IMPG1: variants seen among roughly 807,000 people sequenced by gnomAD.
IMPG1 encodes the protein interphotoreceptor matrix proteoglycan 1, also known as interphotoreceptor matrix proteoglycan of 150 kDa.
Under a neutral mutation model 92.0 loss-of-function variants are expected in IMPG1, and 85 were observed. The observed-to-expected ratio is 0.92, with a 90% CI of 0.78 to 1.11. IMPG1 has a LOEUF of 1.11. IMPG1 is among the 50% of genes least tolerant of loss of function. The pLI is 0.00. For synonymous variants in IMPG1, 367 were observed against 334.1 expected (o/e 1.10, Z -1.08); for missense variants, 1,022 against 956.0 (o/e 1.07, Z -0.91).
chr6:76,003,752 A>C, intron 11 of IMPG1, 122 bp downstream of exon 11: 1 of 692,432 alleles, frequency 1.4e-6, no homozygotes, highest in Non-Finnish European at 2.4e-6. Context: ...AAAAACAGAA[A>C]AGAATTTAAT....
chr6:75,932,605 C>T (rs1781683485), intron 14 of IMPG1, among the ~76,000 whole-genome samples: 1 of 152,030 alleles, frequency 6.6e-6, no homozygotes, highest in Non-Finnish European at 1.5e-5. Context: ...CAAAATTTTC[C>T]CTATGTTGTT....
chr6:75,956,861 A>G (rs1044095061), intron 12 of IMPG1, among the ~76,000 whole-genome samples: 2 of 152,180 alleles, frequency 1.3e-5, no homozygotes. Context: ...CCCAGTAGTC[A>G]TTCAAGGAGC....
In IMPG1 at chr6:75,930,837, A is replaced by G. The variant is rs1185486544; in HGVS notation, c.2243+116T>C. ...CCTTTTCTGGGTGATTTCTACACTC[A>G]CTAAAGTTTAAAAACCATGGGTTGA... On this transcript the variant is annotated intron_variant, in intron 15 of 16. Transcript: ENST00000369950. 7.4e-6 allele frequency: 7 copies of G among 945,416 alleles called. No individual in the cohort carries two copies. The East Asian group carries it at 1.2e-4, about 16-fold the overall frequency. 58.6% of individuals were successfully genotyped at this position (945,416 alleles called of 1,614,324 possible). A position where few individuals can be genotyped will look rare whatever the true frequency, so the allele number is the denominator to read the frequency against.
chr6:76,019,216 T>C (rs1783371440), intron 6 of IMPG1, among the ~76,000 whole-genome samples: 1 of 152,160 alleles, frequency 6.6e-6, no homozygotes, highest in South Asian at 2.1e-4. Flanking sequence ...CAAGAGGTCA[T>C]CCTTCTTGCC....
chr6:76,036,299 A>AGAGGCAGAAGCTAAG (rs1783741306), intron 2 of IMPG1, among the ~76,000 whole-genome samples: 1 of 152,254 alleles, frequency 6.6e-6, no homozygotes, highest in African/African-American at 2.4e-5. Flanking sequence ...ACTTTGATCC[A>AGAGGCAGAAGCTAAG]GAGGCAGAAG....
chr6:75,950,801 C>G lies in IMPG1; in HGVS notation c.1585G>C (p.Ala529Pro), dbSNP rs1315215196. Residue 529 changes from alanine (A) to proline (P), a missense_variant, in exon 13 of 17, where the codon GCC (alanine) becomes CCC (proline). Physicochemically the swap from Ala to Pro is conservative, Grantham distance 27. Transcript: ENST00000369950. Reference protein sequence around the residue: ...LDEMDLSDTPAPSEVPELSEY... With the variant: ...LDEMDLSDTPPPSEVPELSEY... ...CTGAGCTCTGGTACCTCAGATGGGG[C>G]AGGAGTGTCAGACAGATCCATTTCA... 1 of 1,613,936 alleles carries G rather than the reference C, an allele frequency of 6.2e-7. No homozygotes were observed. Among genetic ancestry groups the G allele is most frequent in the Non-Finnish European group, 8.5e-7 (1 of 1,179,912 alleles).
chr6:76,023,953 G>A (rs187342373), intron 5 of IMPG1, among the ~76,000 whole-genome samples: 2 of 152,112 alleles, frequency 1.3e-5, no homozygotes, highest in Admixed American at 6.5e-5. Context: ...CTTTTTACAT[G>A]TTTATATGCT....
intron 14 of IMPG1, among the ~76,000 whole-genome samples, chr6:75,935,223 G>A (rs980437043): frequency 1.3e-5 from 2 of 152,206 alleles, no homozygotes; most frequent in African/African-American, 4.8e-5. Context: ...GTCTGCAAGG[G>A]ATTCACGCGG....
At chr6:75,991,454 G>A (rs745973147) in intron 12 of IMPG1, among the ~76,000 whole-genome samples, 6 of 151,746 alleles carry the variant, frequency 4.0e-5, no homozygotes, top group South Asian at 4.2e-4. Flanking sequence ...TAACTGTGAT[G>A]TTACCTCATT....
At chr6:75,937,847 T>C (rs1452680578) in intron 14 of IMPG1, among the ~76,000 whole-genome samples, 2 of 152,180 alleles carry the variant, frequency 1.3e-5, no homozygotes, top group African/African-American at 2.4e-5. Flanking sequence ...GGGCTGTCCA[T>C]TTTTGAGGAG....
intron 8 of IMPG1, among the ~76,000 whole-genome samples, chr6:76,009,331 G>A (rs185594302): frequency 3.3e-5 from 5 of 152,166 alleles, no homozygotes; most frequent in East Asian, 3.9e-4. Context: ...TCCCAGTCAC[G>A]TTGAATTCAA....
At chr6:76,035,138 G>A (rs907598752) in intron 2 of IMPG1, among the ~76,000 whole-genome samples, 1 of 152,082 alleles carries the variant, frequency 6.6e-6, no homozygotes, top group African/African-American at 2.4e-5. Flanking sequence ...AGTGCTAGGG[G>A]CACTGAAGGA....
intron 4 of IMPG1, among the ~76,000 whole-genome samples, chr6:76,027,061 C>G (rs1257605627): frequency 6.6e-6 from 1 of 152,194 alleles, no homozygotes; most frequent in Admixed American, 6.5e-5. Flanking sequence ...TAAAGAAAGA[C>G]AAGCACTTGG....
chr6:75,958,287 A>G (rs745954139), intron 12 of IMPG1, among the ~76,000 whole-genome samples: 1 of 152,066 alleles, frequency 6.6e-6, no homozygotes, highest in Non-Finnish European at 1.5e-5. Flanking sequence ...TTTGTGCATA[A>G]CCCAACCTTT....
intron 13 of IMPG1, 80 bp from the exon 14 acceptor site, chr6:75,947,613 A>G: frequency 1.1e-6 from 1 of 941,088 alleles, no homozygotes; most frequent in South Asian, 1.6e-5. Context: ...CTCACTTTTC[A>G]TTAACCGAGA....
At chr6:75,957,263 G>T (rs1018112802) in intron 12 of IMPG1, among the ~76,000 whole-genome samples, 5 of 152,160 alleles carry the variant, frequency 3.3e-5, no homozygotes, top group African/African-American at 1.2e-4. Flanking sequence ...ATTGCATTGT[G>T]GTCTGAGAGG....
chr6:75,996,043 C>A (rs1782895506), intron 12 of IMPG1, among the ~76,000 whole-genome samples: 1 of 152,208 alleles, frequency 6.6e-6, no homozygotes, highest in Admixed American at 6.5e-5. Context: ...TAAGGTAATT[C>A]ATTGAAGTCC....
chr6:76,055,424 G>A (rs1270529070), intron 1 of IMPG1, among the ~76,000 whole-genome samples: 1 of 151,826 alleles, frequency 6.6e-6, no homozygotes. Context: ...ATGGTAAAAT[G>A]ATATCATCAA....
chr6:75,995,179 CT>C (rs1782875642), intron 12 of IMPG1, among the ~76,000 whole-genome samples: 1 of 152,114 alleles, frequency 6.6e-6, no homozygotes, highest in South Asian at 2.1e-4. Flanking sequence ...TTCATCTCTC[CT>C]TCCATCACCA....
Sources: gnomAD v4.1 joint callset for allele counts (sites outside exome capture counted in the v4.1 genomes callset) on GRCh38, gnomAD v4.1.1 for gene constraint, MANE v1.5 for transcripts, NCBI Gene and HGNC (gene_info 2026-07-23, HGNC 2026-07-21) for gene names.